Variants in CAPN3 observed in about 807,000 individuals in gnomAD.
CAPN3 encodes the protein calpain 3.
In CAPN3, 88 loss-of-function variants were observed where a neutral mutation model predicts 114.0. The ratio of observed to expected loss-of-function variants is 0.77; its 90% CI spans 0.65 to 0.92. The LOEUF (loss-of-function observed/expected upper bound fraction) is 0.92. Ranked by LOEUF, CAPN3 falls within the 40% of genes least tolerant of loss-of-function variation. The pLI is 0.00. For synonymous variants in CAPN3, 386 were observed against 382.9 expected (o/e 1.01, Z -0.09); for missense variants, 1,028 against 1,069.0 (o/e 0.96, Z 0.53).
chr15:42,411,657 C>T, intron 23 of CAPN3, 90 bp from the exon 24 acceptor site: 1 of 824,960 alleles, frequency 1.2e-6, no homozygotes, highest in South Asian at 1.3e-5. Flanking sequence ...GGGACTGTTC[C>T]CTTTCCTCTT....
intron 1 of CAPN3, among the ~76,000 whole-genome samples, chr15:42,369,363 T>C (rs1218240232): frequency 6.6e-6 from 1 of 152,122 alleles, no homozygotes; most frequent in Non-Finnish European, 1.5e-5. Context: ...TTGTCCAAGA[T>C]GGTGATGCTC....
At chr15:42,409,883 G>GGGGGGGCCCCCC in intron 18 of CAPN3, 39 bp downstream of exon 18, 2 of 559,526 alleles carry the variant, frequency 3.6e-6, no homozygotes, top group Non-Finnish European at 7.1e-6. Context: ...GGTGGGTGGG[G>GGGGGGGCCCCCC]AGTCCCGTTG....
chr15:42,403,181 A>G (rs1487307960), intron 13 of CAPN3, among the ~76,000 whole-genome samples, 179 bp downstream of exon 13: 3 of 152,206 alleles, frequency 2.0e-5, no homozygotes, highest in South Asian at 2.1e-4. Context: ...TTGAGCACCT[A>G]CTATGTTCCA....
Position 42,402,136 on chromosome 15 carries a change from G to A in CAPN3, c.1536+1G>A. 2 of 1,614,064 alleles carry A rather than the reference G, an allele frequency of 1.2e-6. No individual in the cohort carries two copies. Among genetic ancestry groups the A allele is most frequent in the Non-Finnish European group, 1.7e-6 (2 of 1,180,006 alleles). On this transcript the variant is annotated splice_donor_variant, in intron 12 of 23. Transcript: ENST00000397163. LOFTEE classifies it high-confidence loss of function. The stretch of plus-strand genomic sequence containing the variant: ...GTTTCTTCTCAAGGTTCCCAAAGAG[G>A]TATAGCAGCAGCAGCGGCCAGCAGT...
At chr15:42,408,401 T>C in intron 16 of CAPN3, 77 bp downstream of exon 16, 1 of 875,774 alleles carries the variant, frequency 1.1e-6, no homozygotes, top group East Asian at 2.5e-5. Flanking sequence ...ACACAGGGGC[T>C]GGAGGCTTCC....
intron 4 of CAPN3, 100 bp downstream of exon 4, chr15:42,387,986 T>C: frequency 1.4e-6 from 2 of 1,383,880 alleles, no homozygotes; most frequent in South Asian, 1.2e-5. Context: ...TGTGCCTCTA[T>C]ACGTGCATAT....
intron 23 of CAPN3, 30 bp downstream of exon 23, chr15:42,411,375 A>G (rs770302287): frequency 1.9e-6 from 3 of 1,598,738 alleles, no homozygotes; most frequent in South Asian, 1.1e-5. Flanking sequence ...CATTCCCCCT[A>G]CACATTAAAA....
rs368651233 is a variant in CAPN3 at position 42,410,395 on chromosome 15, G to A, written c.2116-33G>A. ...CCTCCAAATCCAGGGGGATTTTGCT[G>A]TGTGCTGTGTAGCCCTGACCTCCCT... On this transcript the variant is annotated intron_variant, in intron 19 of 23. Coordinates refer to ENST00000397163, the MANE Select transcript of CAPN3 (RefSeq NM_000070.3). 3.8e-5 allele frequency: 61 copies of A among 1,606,676 alleles called. No homozygotes were observed. In the African/African-American group the frequency reaches 7.4e-4, roughly 19 times the overall value.
At chr15:42,405,803 T>A in intron 14 of CAPN3, 123 bp from the exon 15 acceptor site, 1 of 746,352 alleles carries the variant, frequency 1.3e-6, no homozygotes, top group Middle Eastern at 2.4e-4. Context: ...TGATTCAGAT[T>A]TCTGGACCCT....
chr15:42,395,267 G>A lies in CAPN3; in HGVS notation c.1115+926G>A, dbSNP rs151051611. Among the ~76,000 whole-genome samples the A allele has an allele frequency of 3.6e-3, 541 of 152,254 alleles. 3 individuals carry two copies. Among genetic ancestry groups the A allele is most frequent in the African/African-American group, 0.013 (520 of 41,530 alleles). ...GATCCTCATGTCCTGACTGCCTCCTGCAGACATTCTCATGCCTTCCTTCAC... is the reference window on the plus strand; with the variant it reads ...GATCCTCATGTCCTGACTGCCTCCTACAGACATTCTCATGCCTTCCTTCAC... On this transcript the variant is annotated intron_variant, in intron 8 of 23. Coordinates refer to ENST00000397163, the MANE Select transcript of CAPN3 (RefSeq NM_000070.3).
chr15:42,408,971 C>T (rs1191323394), intron 16 of CAPN3: 8 of 378,112 alleles, frequency 2.1e-5, no homozygotes, highest in Middle Eastern at 7.8e-4. Flanking sequence ...ACGGTCAGAC[C>T]TTCTTTGACC....
At chr15:42,405,527 G>A (rs1414481603) in intron 14 of CAPN3, among the ~76,000 whole-genome samples, 2 of 152,108 alleles carry the variant, frequency 1.3e-5, no homozygotes, top group African/African-American at 4.8e-5. Flanking sequence ...GGCCAGGATA[G>A]TCCTGAACTA....
chr15:42,392,828 C>CTT, intron 7 of CAPN3, 106 bp downstream of exon 7: 1 of 795,578 alleles, frequency 1.3e-6, no homozygotes, highest in South Asian at 1.5e-5. Flanking sequence ...AGCTTGCCTC[C>CTT]AATCAGGACA....
chr15:42,409,883 G>GCGCCCCC, intron 18 of CAPN3, 39 bp downstream of exon 18: 1 of 559,660 alleles, frequency 1.8e-6, no homozygotes, highest in Non-Finnish European at 3.5e-6. Context: ...GGTGGGTGGG[G>GCGCCCCC]AGTCCCGTTG....
Position 42,386,247 on chromosome 15 carries a change from A to T in CAPN3, c.460A>T (p.Ser154Cys). Residue 154 changes from serine to cysteine, a missense_variant, in exon 3 of 24, where the codon AGT becomes TGT. Physicochemically the swap from Ser to Cys is moderately radical, Grantham distance 112. Transcript: ENST00000397163. Reference sequence around the variant, plus strand: ...TTTCCGAGTCATACCCCATGATCAAAGTTTCATCGAAAACTACGCAGGGAT... The same window carrying T: ...TTTCCGAGTCATACCCCATGATCAATGTTTCATCGAAAACTACGCAGGGAT... ...LLFRVIPHDQ[S>C]FIENYAGIFH... 6.2e-7 allele frequency: 1 copy of T among 1,614,052 alleles called. No individual in the cohort carries two copies. The highest frequency in any genetic ancestry group is 1.1e-5 in the South Asian group (1 of 91,084).
At chr15:42,400,991 C>T (rs985390984) in intron 10 of CAPN3, among the ~76,000 whole-genome samples, 15 of 151,972 alleles carry the variant, frequency 9.9e-5, no homozygotes, top group African/African-American at 3.1e-4. Flanking sequence ...GTCAGGAGTT[C>T]GAGACCAGCT....
chr15:42,360,059 CCT>C lies in CAPN3; in HGVS notation c.261_262del (p.Phe88LeufsTer2), dbSNP rs763649825. The C allele has an allele frequency of 6.2e-7, 1 of 1,614,178 alleles. No individual in the cohort carries two copies. Among genetic ancestry groups the C allele is most frequent in the East Asian group, 2.2e-5 (1 of 44,884 alleles). ...GACCCTGAGTTCCCACCGGATGAGA[CCT>C]CTCTCTTTTATAGCCAGAAGTTCCC... On this transcript the variant is annotated frameshift_variant, in exon 1 of 24. Transcript: ENST00000397163. LOFTEE classifies it high-confidence loss of function.
intron 6 of CAPN3, among the ~76,000 whole-genome samples, chr15:42,392,035 C>T (rs150436147): frequency 0.015 from 2,254 of 152,064 alleles, 56 homozygotes; most frequent in African/African-American, 0.052. Flanking sequence ...CATGGTGGCA[C>T]GTGCCTGTAA....
At chr15:42,370,866 G>T (rs142437750) in intron 1 of CAPN3, among the ~76,000 whole-genome samples, 2 of 152,114 alleles carry the variant, frequency 1.3e-5, no homozygotes, top group Non-Finnish European at 2.9e-5. Context: ...ATAACACAAT[G>T]ATGTTATGAC....
Sources: gnomAD v4.1 joint callset for allele counts (sites outside exome capture counted in the v4.1 genomes callset) on GRCh38, gnomAD v4.1.1 for gene constraint, MANE v1.5 for transcripts, NCBI Gene and HGNC (gene_info 2026-07-23, HGNC 2026-07-21) for gene names.